The following PTPRO variants were observed in gnomAD, a reference collection of about 807,000 sequenced individuals.
The protein encoded by PTPRO is protein tyrosine phosphatase receptor type O, also known as receptor-type tyrosine-protein phosphatase O.
PTPRO carries 62 observed loss-of-function variants against 145.2 expected under a neutral mutation model. The ratio of observed to expected loss-of-function variants is 0.43; its 90% confidence interval spans 0.35 to 0.53. PTPRO has a LOEUF of 0.53. PTPRO is among the 20% of genes least tolerant of loss of function. The pLI is 0.01. For synonymous variants in PTPRO, 565 were observed against 514.7 expected (o/e 1.10, Z -1.32); for missense variants, 1,345 against 1,482.7 (o/e 0.91, Z 1.53).
chr12:15,546,310 A>T, intron 12 of PTPRO: 2 of 1,288,726 alleles, frequency 1.6e-6, no homozygotes, highest in South Asian at 1.6e-5. Context: ...GATTATGACT[A>T]TGATGAAACT....
intron 1 of PTPRO, among the ~76,000 whole-genome samples, chr12:15,409,784 T>C (rs1287549634): frequency 6.6e-6 from 1 of 152,182 alleles, no homozygotes; most frequent in Non-Finnish European, 1.5e-5. Context: ...TCACAAGAAC[T>C]CACTCACTAT....
chr12:15,368,197 G>T (rs999808697), intron 1 of PTPRO, among the ~76,000 whole-genome samples: 2 of 152,062 alleles, frequency 1.3e-5, no homozygotes, highest in East Asian at 1.9e-4. Flanking sequence ...AACATGCCAG[G>T]CTTGCTCTGG....
At chr12:15,377,549 T>G (rs1938725091) in intron 1 of PTPRO, among the ~76,000 whole-genome samples, 1 of 152,016 alleles carries the variant, frequency 6.6e-6, no homozygotes, top group Non-Finnish European at 1.5e-5. Flanking sequence ...AAAATTATAG[T>G]TGGAGAATTC....
chr12:15,378,913 A>C (rs920851872), intron 1 of PTPRO, among the ~76,000 whole-genome samples: 1 of 152,300 alleles, frequency 6.6e-6, no homozygotes, highest in South Asian at 2.1e-4. Flanking sequence ...ATTATTAATA[A>C]GCAAATAAAA....
intron 12 of PTPRO, among the ~76,000 whole-genome samples, chr12:15,530,454 C>G (rs933402140): frequency 2.0e-5 from 3 of 152,118 alleles, no homozygotes; most frequent in Non-Finnish European, 2.9e-5. Context: ...GGAACATTCT[C>G]CAGAATATAT....
At chr12:15,575,654 G>A (rs1345127813) in intron 19 of PTPRO, among the ~76,000 whole-genome samples, 1 of 152,170 alleles carries the variant, frequency 6.6e-6, no homozygotes, top group Non-Finnish European at 1.5e-5. Context: ...TTGGGTGACC[G>A]TATTAGTTCC....
At chr12:15,565,245 G>A (rs1293212444) in intron 17 of PTPRO, 1 of 168,236 alleles carries the variant, frequency 5.9e-6, no homozygotes, top group African/African-American at 2.4e-5. Context: ...CCTGCCTGTA[G>A]AAATTGGAGT....
At chr12:15,359,858 C>A (rs887962864) in intron 1 of PTPRO, among the ~76,000 whole-genome samples, 1 of 152,094 alleles carries the variant, frequency 6.6e-6, no homozygotes, top group African/African-American at 2.4e-5. Context: ...TGTAGTTTGT[C>A]TTTCTATCTT....
At chr12:15,567,162 ACT>A (rs778273093) in intron 18 of PTPRO, among the ~76,000 whole-genome samples, 11 of 152,006 alleles carry the variant, frequency 7.2e-5, no homozygotes, top group Non-Finnish European at 1.6e-4. Context: ...GCAAAAAAAA[ACT>A]CACATCAATT....
At chr12:15,357,305 T>C (rs529176575) in intron 1 of PTPRO, among the ~76,000 whole-genome samples, 17 of 152,348 alleles carry the variant, frequency 1.1e-4, no homozygotes, top group Middle Eastern at 3.4e-3. Flanking sequence ...AAGGGACTTC[T>C]TCCACTCATT....
intron 1 of PTPRO, among the ~76,000 whole-genome samples, chr12:15,444,831 T>A (rs558261379): frequency 6.6e-6 from 1 of 152,266 alleles, no homozygotes; most frequent in South Asian, 2.1e-4. Flanking sequence ...TTATAAGCTA[T>A]CTAGTCCATG....
At chr12:15,581,626 TA>T (rs1944319747) in intron 22 of PTPRO, 52 bp from the exon 23 acceptor site, 1 of 1,596,752 alleles carries the variant, frequency 6.3e-7, no homozygotes. Context: ...TGAGCACACT[TA>T]ATTCCTTTCC....
At chr12:15,559,039 A>G (rs935043790) in intron 16 of PTPRO, among the ~76,000 whole-genome samples, 5 of 152,218 alleles carry the variant, frequency 3.3e-5, no homozygotes, top group Non-Finnish European at 7.3e-5. Flanking sequence ...TACTTGTTTC[A>G]TGCCTGGTTC....
intron 2 of PTPRO, among the ~76,000 whole-genome samples, chr12:15,486,438 G>C (rs1478404795): frequency 1.3e-5 from 2 of 152,040 alleles, no homozygotes; most frequent in African/African-American, 2.4e-5. Context: ...ACGTGTAAAA[G>C]GGTTTCCTGC....
intron 9 of PTPRO, 61 bp downstream of exon 9, chr12:15,517,017 C>A: frequency 7.2e-7 from 1 of 1,392,012 alleles, no homozygotes; most frequent in Non-Finnish European, 1.0e-6. Flanking sequence ...CTTTATGTAC[C>A]AAATGTGTCT....
chr12:15,595,100 T>C, intron 26 of PTPRO, 43 bp downstream of exon 26: 1 of 1,268,422 alleles, frequency 7.9e-7, no homozygotes, highest in Non-Finnish European at 1.1e-6. Context: ...GTCTTAGAAC[T>C]ATTAGAGGGG....
chr12:15,560,500 C>T (rs1227371417), intron 17 of PTPRO, among the ~76,000 whole-genome samples: 2 of 151,894 alleles, frequency 1.3e-5, no homozygotes, highest in Non-Finnish European at 2.9e-5. Flanking sequence ...GCGTTTTTTC[C>T]CATTTAGTAC....
At chr12:15,465,241 T>C (rs996536720) in intron 1 of PTPRO, among the ~76,000 whole-genome samples, 5 of 152,234 alleles carry the variant, frequency 3.3e-5, no homozygotes, top group African/African-American at 1.2e-4. Context: ...AGCCTTCTTG[T>C]AATTCAAAAT....
At chr12:15,337,123 GA>G (rs1016157268) in intron 1 of PTPRO, among the ~76,000 whole-genome samples, 5 of 152,286 alleles carry the variant, frequency 3.3e-5, no homozygotes, top group Admixed American at 2.0e-4. Flanking sequence ...GACTCAAGAA[GA>G]AACGTTTTGT....
Sources: gnomAD v4.1 joint callset for allele counts (sites outside exome capture counted in the v4.1 genomes callset) on GRCh38, gnomAD v4.1.1 for gene constraint, MANE v1.5 for transcripts, NCBI Gene and HGNC (gene_info 2026-07-23, HGNC 2026-07-21) for gene names.